MYO5B: variants seen among roughly 807,000 people sequenced by gnomAD.
The protein encoded by MYO5B is myosin VB.
Under a neutral mutation model 229.3 loss-of-function variants are expected in MYO5B, and 143 were observed. The observed-to-expected ratio is 0.62, with a 90% CI of 0.54 to 0.72. The LOEUF is 0.72. MYO5B is among the 30% of genes least tolerant of loss of function. MYO5B has a pLI of 0.00. For missense variants in MYO5B, 2,321 were observed against 2,331.0 expected (o/e 1.00, Z 0.09); for synonymous variants, 918 against 885.2 (o/e 1.04, Z -0.66).
intron 1 of MYO5B, among the ~76,000 whole-genome samples, chr18:50,161,364 A>G (rs2032762385): frequency 6.6e-6 from 1 of 152,176 alleles, no homozygotes; most frequent in Admixed American, 6.5e-5. Flanking sequence ...AGTCTGGACA[A>G]CAGGGCGAGA....
Position 49,880,446 on chromosome 18 carries a change from C to G in MYO5B, c.3055G>C (p.Asp1019His), listed in dbSNP as rs1316139650. The change falls in exon 23 of 40, where the codon GAC (aspartate) becomes CAC (histidine). Residue 1019 changes from aspartate to histidine, a missense_variant. By Grantham distance (81) the Asp-to-His change is moderately conservative. Around this residue, in one of 2 missense-constraint regions of MYO5B, gnomAD observed 2,113 missense variants for 2,044.7 expected, o/e 1.03. Transcript: ENST00000285039. ...AAGAGAGCATTTTCTTGCTCCAGGT[C>G]TGCAACTCGCTGGAAGAGAGCAATA... ...EKDELRKRVADLEQENALLKD... is the reference protein window; with the variant it reads ...EKDELRKRVAHLEQENALLKD... 15 of 1,613,944 alleles carry G rather than the reference C, an allele frequency of 9.3e-6. No homozygotes were observed. Among genetic ancestry groups the G allele is most frequent in the Non-Finnish European group, 1.3e-5 (15 of 1,179,848 alleles).
rs1236120415 is a variant in MYO5B at position 49,849,613 on chromosome 18, G to C, written c.4269C>G (p.Leu1423=). 1.2e-6 allele frequency: 2 copies of C among 1,613,738 alleles called. No homozygotes were observed. The highest frequency in any genetic ancestry group is 1.7e-6 in the Non-Finnish European group (2 of 1,179,952). ...TCATGTAAATCTTCAGTTGCTTTTT[G>C]AGCTTCCTCTCATTCTTTTCCAGCT... is the stretch of plus-strand genomic sequence containing the variant. The part of the protein sequence containing the change: ...VEKLEKNERK[L]KKQLKIYMKK... The change falls in exon 32 of 40, where the codon CTC becomes CTG. Residue 1423 remains leucine (L), a synonymous_variant. Coordinates refer to ENST00000285039, the MANE Select transcript of MYO5B (RefSeq NM_001080467.3).
intron 22 of MYO5B, among the ~76,000 whole-genome samples, chr18:49,889,688 A>G (rs9959455): frequency 0.22 from 34,084 of 152,228 alleles, 4,360 homozygotes; most frequent in East Asian, 0.41. Flanking sequence ...TCCTACACAC[A>G]GTCAATATCC....
intron 1 of MYO5B, among the ~76,000 whole-genome samples, chr18:50,181,837 GT>G (rs1358457178): frequency 6.6e-6 from 1 of 152,180 alleles, no homozygotes; most frequent in African/African-American, 2.4e-5. Flanking sequence ...AGAAACATTA[GT>G]TTCTGGCTGA....
At position 49,847,423 on chromosome 18, in the gene MYO5B, C is replaced by T. The variant is rs370365521; in HGVS notation, c.4316-134G>A. 46 of 1,140,368 alleles carry T rather than the reference C, an allele frequency of 4.0e-5. No homozygotes were observed. The South Asian group carries it at 5.2e-4, about 13-fold the overall frequency. 70.6% of individuals were successfully genotyped at this position (1,140,368 alleles called of 1,614,324 possible). A position where few individuals can be genotyped will look rare whatever the true frequency, so the allele number is the denominator to read the frequency against. On this transcript the variant is annotated intron_variant, in intron 32 of 39. Transcript: ENST00000285039. ...CATCTCTGGCAGGTGGAGGATGGCA[C>T]CTGGGGCAGGGGGCATACTGGGTTC...
intron 1 of MYO5B, among the ~76,000 whole-genome samples, chr18:50,056,553 G>A (rs749576031): frequency 6.6e-6 from 1 of 152,146 alleles, no homozygotes; most frequent in Non-Finnish European, 1.5e-5. Flanking sequence ...ATATTATCAG[G>A]AAACCTGAAA....
intron 33 of MYO5B, among the ~76,000 whole-genome samples, chr18:49,844,061 T>C (rs958002723): frequency 1.3e-5 from 2 of 152,244 alleles, no homozygotes; most frequent in Admixed American, 6.5e-5. Flanking sequence ...TGCTCTCCTC[T>C]GTATCCCACA....
At chr18:49,980,399 G>A (rs766528218) in intron 9 of MYO5B, 45 bp downstream of exon 9, 5 of 1,332,520 alleles carry the variant, frequency 3.8e-6, no homozygotes, top group African/African-American at 2.9e-5. Context: ...CAAAGAACAG[G>A]GTAAATTGTG....
intron 21 of MYO5B, among the ~76,000 whole-genome samples, chr18:49,897,274 T>C (rs1377008779): frequency 6.6e-6 from 1 of 152,134 alleles, no homozygotes; most frequent in African/African-American, 2.4e-5. Context: ...GCCCACACCC[T>C]CGGAGACCCC....
chr18:50,186,797 G>A (rs915874922), intron 1 of MYO5B, among the ~76,000 whole-genome samples: 3 of 152,106 alleles, frequency 2.0e-5, no homozygotes, highest in Admixed American at 2.0e-4. Flanking sequence ...AGAAATCAAG[G>A]CTTAGAAAGT....
chr18:50,019,829 CA>C (rs1011975295), intron 4 of MYO5B, among the ~76,000 whole-genome samples: 1 of 152,092 alleles, frequency 6.6e-6, no homozygotes, highest in Non-Finnish European at 1.5e-5. Context: ...AGAATTGGAC[CA>C]AAAAATATCT....
intron 5 of MYO5B, among the ~76,000 whole-genome samples, chr18:49,997,659 G>A (rs981696518): frequency 6.6e-6 from 1 of 152,208 alleles, no homozygotes. Context: ...CTCTTAAACA[G>A]AACAGGGTCA....
At chr18:49,963,416 ATTTAT>A (rs2025585266) in intron 10 of MYO5B, among the ~76,000 whole-genome samples, 1 of 139,678 alleles carries the variant, frequency 7.2e-6, no homozygotes, top group Non-Finnish European at 1.6e-5. Flanking sequence ...TAATTAATTA[ATTTAT>A]TTATTTATTT....
chr18:50,173,922 G>A (rs1188242963), intron 1 of MYO5B, among the ~76,000 whole-genome samples: 7 of 152,178 alleles, frequency 4.6e-5, no homozygotes, highest in Non-Finnish European at 4.4e-5. Context: ...CCAGATACCT[G>A]GTAAAACATT....
intron 1 of MYO5B, among the ~76,000 whole-genome samples, chr18:50,175,815 C>T (rs1568133765): frequency 6.6e-6 from 1 of 152,252 alleles, no homozygotes. Context: ...CTCACTTCTG[C>T]ACAGGCAGCC....
chr18:49,964,697 T>C (rs2025602179), intron 10 of MYO5B, among the ~76,000 whole-genome samples: 1 of 152,252 alleles, frequency 6.6e-6, no homozygotes, highest in African/African-American at 2.4e-5. Flanking sequence ...TACTAGTCAT[T>C]GTACTTCGTG....
In MYO5B at chr18:49,835,434, A is replaced by G; in HGVS notation, c.5314-10T>C. 6.3e-7 allele frequency: 1 copy of G among 1,585,022 alleles called. No individual in the cohort carries two copies. Among genetic ancestry groups the G allele is most frequent in the South Asian group, 1.1e-5 (1 of 90,448 alleles). ...TTAAAATTTTGACAATCTGTTGGGG[A>G]TAAAAACGGAATTTAGCACAGAGCT... On this transcript the variant is annotated splice_polypyrimidine_tract_variant and intron_variant, in intron 38 of 39. Transcript: ENST00000285039.
At chr18:49,929,010 A>G (rs559830959) in intron 17 of MYO5B, among the ~76,000 whole-genome samples, 3 of 152,330 alleles carry the variant, frequency 2.0e-5, no homozygotes, top group African/African-American at 7.2e-5. Flanking sequence ...TACATTAGGT[A>G]CAGTGTATAC....
At chr18:49,913,058 A>AT (rs541956990) in intron 17 of MYO5B, among the ~76,000 whole-genome samples, 3 of 152,166 alleles carry the variant, frequency 2.0e-5, no homozygotes, top group Non-Finnish European at 4.4e-5. Flanking sequence ...TTTGCTTATG[A>AT]TTTTTTTCTT....
Sources: allele counts gnomAD v4.1 joint callset (sites outside exome capture counted in the v4.1 genomes callset), GRCh38; gene constraint gnomAD v4.1.1; regional missense constraint gnomAD v4.1.1; transcripts MANE v1.5; gene names NCBI Gene and HGNC (gene_info 2026-07-23, HGNC 2026-07-21).